CPT1C: variants seen among roughly 807,000 people sequenced by gnomAD.
CPT1C encodes palmitoyl thioesterase CPT1C.
A neutral mutation model predicts 97.3 loss-of-function variants in CPT1C; 61 were observed. The observed-to-expected ratio is 0.63, with a 90% CI of 0.51 to 0.78. CPT1C has a LOEUF of 0.78. Ranked by LOEUF, CPT1C falls within the 30% of genes least tolerant of loss-of-function variation. The pLI is 0.00. For synonymous variants in CPT1C, 469 were observed against 447.2 expected (o/e 1.05, Z -0.61); for missense variants, 975 against 1,065.5 (o/e 0.92, Z 1.18).
rs200917939 is a variant in CPT1C, at chr19:49,712,700, C to T, written c.2020-36C>T. ...GGAGCCAAGGGCCGGAACTGCAGAT[C>T]TCTGTCCTGCACATGTGATGGGCTC... On this transcript the variant is annotated intron_variant, in intron 17 of 19. Coordinates refer to ENST00000598293, the MANE Select transcript of CPT1C (RefSeq NM_001199753.2). The T allele has an allele frequency of 3.3e-4, 495 of 1,502,286 alleles. 2 individuals are homozygous for T. The East Asian group carries it at 9.6e-3, about 29-fold the overall frequency. 93.1% of individuals were successfully genotyped at this position (1,502,286 alleles called of 1,614,324 possible).
At chr19:49,707,927 C>T (rs1206312235) in intron 13 of CPT1C, among the ~76,000 whole-genome samples, 4 of 139,084 alleles carry the variant, frequency 2.9e-5, no homozygotes, top group South Asian at 2.4e-4. Flanking sequence ...CGCATGAACC[C>T]GGGAGGTGGA....
chr19:49,700,897 C>T (rs547835364), intron 5 of CPT1C, 42 bp downstream of exon 5: 14 of 1,575,086 alleles, frequency 8.9e-6, no homozygotes, highest in South Asian at 4.4e-5. Flanking sequence ...TCCTGGGACC[C>T]GCTTATCTAT....
chr19:49,709,325 A>C, intron 14 of CPT1C, among the ~76,000 whole-genome samples: 1 of 146,102 alleles, frequency 6.8e-6, no homozygotes, highest in East Asian at 2.0e-4. Context: ...AACTCATCCC[A>C]TACCCAACCT....
chr19:49,709,998 C>T (rs1367748156), intron 14 of CPT1C, among the ~76,000 whole-genome samples: 2 of 151,900 alleles, frequency 1.3e-5, no homozygotes, highest in Non-Finnish European at 2.9e-5. Flanking sequence ...AGGCACGTGC[C>T]ACCACGGCCA....
In CPT1C at chr19:49,708,816, C is replaced by T; in HGVS notation, c.1543C>T (p.Leu515=). 1 of 1,613,378 alleles carries T rather than the reference C, an allele frequency of 6.2e-7. No homozygotes were observed. The highest frequency in any genetic ancestry group is 1.7e-5 in the Admixed American group (1 of 60,004). The part of the protein sequence containing the change: ...PDPTLPQPQR[L]QWDLPDQIHS... ...CCCCACACTACCCCAGCCCCAGCGGCTGCAATGGGACCTTCCAGACCAGGT... is the reference window on the plus strand; with the variant it reads ...CCCCACACTACCCCAGCCCCAGCGGTTGCAATGGGACCTTCCAGACCAGGT... Residue 515 remains leucine, a synonymous_variant, in exon 14 of 20, where the codon CTG becomes TTG. Coordinates refer to ENST00000598293, the MANE Select transcript of CPT1C (RefSeq NM_001199753.2).
rs750065713 is a variant in CPT1C, at chr19:49,705,245, C to G, written c.911C>G (p.Ser304Cys). ...TLLMGMRPLC[S>C]AQYEKIFNTT... ...CTGATGGGAATGCGCCCCTTATGCT[C>G]TGCCCAGTACGAGAAGATCTTCAAC... is the stretch of plus-strand genomic sequence containing the variant. The change falls in exon 10 of 20, where the codon TCT becomes TGT. Residue 304 changes from serine to cysteine, a missense_variant. Transcript: ENST00000598293. The G allele has an allele frequency of 7.4e-6, 12 of 1,612,746 alleles. No homozygotes were observed. The highest frequency in any genetic ancestry group is 1.0e-5 in the Non-Finnish European group (12 of 1,178,934).
chr19:49,695,816 C>T (rs1182952874), intron 3 of CPT1C, among the ~76,000 whole-genome samples: 2 of 151,916 alleles, frequency 1.3e-5, no homozygotes, highest in Non-Finnish European at 2.9e-5. Flanking sequence ...CTCTTGACCT[C>T]GTGATCCGCC....
chr19:49,712,486 A>C (rs1568546607), intron 17 of CPT1C: 1 of 523,626 alleles, frequency 1.9e-6, no homozygotes. Flanking sequence ...TGGGGTGGGG[A>C]TAAGAGGAAA....
Position 49,710,904 on chromosome 19 carries a change from C to T in CPT1C, c.1866+47C>T, listed in dbSNP as rs558163606. ...GGCTTCAGTTATTTCTGTGTACTCA[C>T]TCATCCACTTGCAAACGTTGATGGG... On this transcript the variant is annotated intron_variant, in intron 16 of 19. Transcript: ENST00000598293. 1.3e-5 allele frequency: 20 copies of T among 1,568,606 alleles called. No individual in the cohort carries two copies. In the South Asian group the frequency reaches 2.2e-4, roughly 17 times the overall value.
At chr19:49,710,647 T>C (rs1259962656) in intron 15 of CPT1C, 76 bp from the exon 16 acceptor site, 2 of 1,583,374 alleles carry the variant, frequency 1.3e-6, no homozygotes, top group African/African-American at 1.3e-5. Flanking sequence ...GCTGGAGGTC[T>C]GGACAGAGAT....
intron 19 of CPT1C, 57 bp downstream of exon 19, chr19:49,713,121 G>C (rs2084019661): frequency 6.8e-7 from 1 of 1,467,570 alleles, no homozygotes; most frequent in South Asian, 1.1e-5. Flanking sequence ...CAGGAGTCTG[G>C]GCCCCCAGCC....
chr19:49,698,194 G>A (rs1344759556), intron 4 of CPT1C, among the ~76,000 whole-genome samples: 4 of 151,704 alleles, frequency 2.6e-5, no homozygotes, highest in East Asian at 1.9e-4. Flanking sequence ...GTGAAACCCC[G>A]TCTCTACTAA....
At chr19:49,704,982 T>A (rs1415191020) in intron 8 of CPT1C, 25 bp from the exon 9 acceptor site, 1 of 1,563,056 alleles carries the variant, frequency 6.4e-7, no homozygotes, top group Non-Finnish European at 8.7e-7. Flanking sequence ...CTGGGTGTTT[T>A]GCCATCCCCT....
chr19:49,708,646 C>A, intron 13 of CPT1C, 77 bp from the exon 14 acceptor site: 1 of 1,028,652 alleles, frequency 9.7e-7, no homozygotes, highest in Non-Finnish European at 1.5e-6. Flanking sequence ...AAAAGGGCTG[C>A]ATGAAAAGAG....
At chr19:49,708,109 T>C (rs2083620253) in intron 13 of CPT1C, among the ~76,000 whole-genome samples, 1 of 151,424 alleles carries the variant, frequency 6.6e-6, no homozygotes, top group South Asian at 2.1e-4. Context: ...GATGAGGACC[T>C]TCCTTTGATG....
chr19:49,704,658 T>C, intron 7 of CPT1C, 52 bp from the exon 8 acceptor site: 1 of 1,414,546 alleles, frequency 7.1e-7, no homozygotes, highest in Non-Finnish European at 9.9e-7. Context: ...CTACTGTCCC[T>C]CCCCCAACAG....
In CPT1C at chr19:49,693,833, C is replaced by T. The variant is rs538285041; in HGVS notation, c.141+1440C>T. On this transcript the variant is annotated intron_variant, in intron 3 of 19. Transcript: ENST00000598293. ...CAACACTTTGGGAGGCTGAGACGGA[C>T]GGATCATGAGGTCAGGAGATCGAGA... 3.9e-5 allele frequency among the ~76,000 whole-genome samples: 6 copies of T among 152,058 alleles called. No individual in the cohort carries two copies. The South Asian group carries it at 1.0e-3, about 26-fold the overall frequency.
At position 49,697,189 on chromosome 19, in the gene CPT1C, C is replaced by T. The variant is rs1160841947; in HGVS notation, c.142-137C>T. 3 of 1,060,770 alleles carry T rather than the reference C, an allele frequency of 2.8e-6. No homozygotes were observed. In the African/African-American group the frequency reaches 4.8e-5, roughly 17 times the overall value. The allele number at this position is 1,060,770 out of a possible 1,614,324, so 65.7% of individuals were successfully genotyped here. ...ACCTCGCTGAGGGCAGGACCTGGATCTCTCTGTTCCCTACTAGATCTTGAG... is the reference window on the plus strand; with the variant it reads ...ACCTCGCTGAGGGCAGGACCTGGATTTCTCTGTTCCCTACTAGATCTTGAG... On this transcript the variant is annotated intron_variant, in intron 3 of 19. Transcript: ENST00000598293.
In CPT1C at chr19:49,705,931, C is replaced by T; in HGVS notation, c.987C>T (p.Asp329=). The T allele has an allele frequency of 6.2e-7, 1 of 1,613,720 alleles. No homozygotes were observed. The highest frequency in any genetic ancestry group is 8.5e-7 in the Non-Finnish European group (1 of 1,179,830). The change falls in exon 11 of 20, where the codon GAC becomes GAT. Residue 329 remains aspartate, a synonymous_variant. Coordinates refer to ENST00000598293, the MANE Select transcript of CPT1C (RefSeq NM_001199753.2). ...VQKDYIRHLH[D]SQHVAVFHRG... Reference sequence around the variant, plus strand: ...TAGACTACATCCGCCACCTCCATGACAGCCAACACGTGGCTGTCTTCCACC... The same window carrying T: ...TAGACTACATCCGCCACCTCCATGATAGCCAACACGTGGCTGTCTTCCACC...
Sources: gnomAD v4.1 joint callset for allele counts (sites outside exome capture counted in the v4.1 genomes callset) on GRCh38, gnomAD v4.1.1 for gene constraint, MANE v1.5 for transcripts, NCBI Gene and HGNC (gene_info 2026-07-23, HGNC 2026-07-21) for gene names.